Variants in MANBA observed in about 807,000 individuals in gnomAD.
MANBA encodes the protein mannosidase beta.
In MANBA, 83 loss-of-function variants were observed where a neutral mutation model predicts 111.1. The observed-to-expected ratio is 0.75, with a 90% CI of 0.63 to 0.90. The LOEUF (loss-of-function observed/expected upper bound fraction) is 0.90, where lower values mean the gene tolerates loss of function less well. Among genes scored for constraint, MANBA ranks in the 40% least tolerant of loss-of-function variants. The pLI, the probability that MANBA is intolerant of heterozygous loss-of-function variation, is 0.00. For missense variants in MANBA, 1,036 were observed against 1,069.0 expected (o/e 0.97, Z 0.43); for synonymous variants, 370 against 378.7 (o/e 0.98, Z 0.27).
At chr4:102,643,682 G>A (rs1233719211) in intron 13 of MANBA, among the ~76,000 whole-genome samples, 1 of 151,964 alleles carries the variant, frequency 6.6e-6, no homozygotes, top group African/African-American at 2.4e-5. Flanking sequence ...TGTGTTTACT[G>A]GTCATTTTCT....
At chr4:102,739,899 C>T (rs891975004) in intron 1 of MANBA, among the ~76,000 whole-genome samples, 1 of 152,206 alleles carries the variant, frequency 6.6e-6, no homozygotes, top group African/African-American at 2.4e-5. Context: ...AGGATGCCCA[C>T]TTTCACAACT....
chr4:102,649,283 C>T (rs1730228075), intron 13 of MANBA, among the ~76,000 whole-genome samples: 1 of 152,140 alleles, frequency 6.6e-6, no homozygotes, highest in Non-Finnish European at 1.5e-5. Context: ...AGCAGAAATG[C>T]TGATTCAAAA....
intron 12 of MANBA, among the ~76,000 whole-genome samples, chr4:102,652,437 C>T (rs532525129): frequency 5.9e-5 from 9 of 152,210 alleles, no homozygotes; most frequent in Non-Finnish European, 1.3e-4. Flanking sequence ...TCTTTAGTTA[C>T]GTGGGAGGCT....
chr4:102,663,997 C>T (rs1731087514), intron 11 of MANBA, among the ~76,000 whole-genome samples: 1 of 152,202 alleles, frequency 6.6e-6, no homozygotes, highest in Non-Finnish European at 1.5e-5. Flanking sequence ...CATACCAGGA[C>T]ATTCATATGT....
intron 7 of MANBA, among the ~76,000 whole-genome samples, chr4:102,677,980 AC>A (rs149945517): frequency 5.3e-4 from 81 of 152,326 alleles, no homozygotes; most frequent in African/African-American, 1.9e-3. Context: ...ACCCATATAA[AC>A]AAAAGCATGT....
At chr4:102,632,803 T>C (rs3774969) in intron 16 of MANBA, among the ~76,000 whole-genome samples, 7,903 of 152,332 alleles carry the variant, frequency 0.052, 222 homozygotes, top group African/African-American at 0.069. Flanking sequence ...TATTAGCATT[T>C]TTTTTACATG....
intron 16 of MANBA, 90 bp downstream of exon 16, chr4:102,634,698 T>C (rs1729536755): frequency 1.1e-5 from 17 of 1,559,776 alleles, no homozygotes; most frequent in Non-Finnish European, 8.8e-7. Flanking sequence ...GGGGGACACA[T>C]GCAAATCTCA....
At chr4:102,736,240 T>C (rs1723212972) in intron 1 of MANBA, among the ~76,000 whole-genome samples, 1 of 152,196 alleles carries the variant, frequency 6.6e-6, no homozygotes, top group Admixed American at 6.5e-5. Flanking sequence ...CCACCAATAG[T>C]TACAATGTCA....
intron 12 of MANBA, among the ~76,000 whole-genome samples, chr4:102,653,887 G>C (rs1730447816): frequency 6.6e-6 from 1 of 152,110 alleles, no homozygotes; most frequent in Non-Finnish European, 1.5e-5. Flanking sequence ...CAGAGAGTAA[G>C]TCTGAACCCA....
chr4:102,752,970 A>C (rs1205789336), intron 1 of MANBA, among the ~76,000 whole-genome samples: 1 of 152,234 alleles, frequency 6.6e-6, no homozygotes, highest in Non-Finnish European at 1.5e-5. Flanking sequence ...GAAGAATATA[A>C]GGTAATAATA....
At chr4:102,701,977 C>T (rs1373383170) in intron 5 of MANBA, among the ~76,000 whole-genome samples, 2 of 152,022 alleles carry the variant, frequency 1.3e-5, no homozygotes, top group African/African-American at 4.8e-5. Context: ...TTCCATTCTC[C>T]CCGTCACTTT....
intron 5 of MANBA, among the ~76,000 whole-genome samples, chr4:102,711,572 G>A (rs1722066948): frequency 6.6e-6 from 1 of 152,124 alleles, no homozygotes; most frequent in African/African-American, 2.4e-5. Context: ...TAATAGTAGA[G>A]TCATTACCAT....
intron 1 of MANBA, chr4:102,727,394 G>C: frequency 1.1e-6 from 1 of 876,184 alleles, no homozygotes; most frequent in South Asian, 1.4e-5. Flanking sequence ...GCTCACTGAT[G>C]AATCAGGAGG....
At chr4:102,650,024 G>C (rs76645359) in intron 13 of MANBA, among the ~76,000 whole-genome samples, 2,448 of 152,258 alleles carry the variant, frequency 0.016, 35 homozygotes, top group Non-Finnish European at 0.023. Context: ...TGGGACTACA[G>C]GTGTGTGCCA....
At chr4:102,688,641 T>C (rs1015980576) in intron 7 of MANBA, among the ~76,000 whole-genome samples, 2 of 152,178 alleles carry the variant, frequency 1.3e-5, no homozygotes, top group South Asian at 2.1e-4. Context: ...CTATATGCCA[T>C]GACTCTTATA....
chr4:102,663,710 C>T (rs116472841), intron 11 of MANBA, among the ~76,000 whole-genome samples: 2,461 of 152,134 alleles, frequency 0.016, 67 homozygotes, highest in African/African-American at 0.054. Context: ...TCTGGATATA[C>T]CCAGATATTT....
rs1730635878 is a variant in MANBA, at chr4:102,657,790, A to AAT, written c.1595_1596insAT (p.His532GlnfsTer36). On this transcript the variant is annotated frameshift_variant, in exon 12 of 17. Coordinates refer to ENST00000647097, the MANE Select transcript of MANBA (RefSeq NM_005908.4). LOFTEE classifies it high-confidence loss of function. ...AGCAATCACTGATATAGTCATAAAA[A>AAT]TGTACATCACCAAAATAATTGCTAT... 1.2e-6 allele frequency: 2 copies of AAT among 1,613,624 alleles called. No homozygotes were observed. Among genetic ancestry groups the AAT allele is most frequent in the African/African-American group, 2.7e-5 (2 of 74,926 alleles).
intron 5 of MANBA, among the ~76,000 whole-genome samples, chr4:102,700,813 T>C (rs959644909): frequency 9.9e-5 from 15 of 152,196 alleles, no homozygotes; most frequent in African/African-American, 3.6e-4. Flanking sequence ...TGTGATGTGG[T>C]GCTGAAAAAA....
intron 1 of MANBA, among the ~76,000 whole-genome samples, chr4:102,740,334 T>G (rs1287329481): frequency 6.6e-6 from 1 of 152,230 alleles, no homozygotes. Flanking sequence ...TGCTCATGAA[T>G]GGATAAAATC....
Sources: gnomAD v4.1 joint callset for allele counts (sites outside exome capture counted in the v4.1 genomes callset) on GRCh38, gnomAD v4.1.1 for gene constraint, MANE v1.5 for transcripts, NCBI Gene and HGNC (gene_info 2026-07-23, HGNC 2026-07-21) for gene names.